Variants in WDR41 observed in about 807,000 individuals in gnomAD.
The protein encoded by WDR41 is WD repeat domain 41.
A neutral mutation model predicts 69.3 loss-of-function variants in WDR41; 63 were observed. That is an observed-to-expected ratio of 0.91 (90% CI 0.74 to 1.12). The LOEUF (loss-of-function observed/expected upper bound fraction) is 1.12, where lower values mean the gene tolerates loss of function less well. Among genes scored for constraint, WDR41 ranks in the 50% most tolerant of loss-of-function variants. The pLI is 0.00. For synonymous variants in WDR41, 185 were observed against 192.1 expected (o/e 0.96, Z 0.31); for missense variants, 543 against 534.5 (o/e 1.02, Z -0.16).
intron 2 of WDR41, among the ~76,000 whole-genome samples, chr5:77,470,793 C>G (rs1346691853): frequency 6.6e-6 from 1 of 152,058 alleles, no homozygotes; most frequent in Non-Finnish European, 1.5e-5. Context: ...CCTTAGAGAC[C>G]TAGAAAGAGA....
At chr5:77,513,873 A>G (rs1802247601) in intron 1 of WDR41, among the ~76,000 whole-genome samples, 1 of 152,148 alleles carries the variant, frequency 6.6e-6, no homozygotes, top group Admixed American at 6.5e-5. Context: ...AACTTGGAGT[A>G]GACAAATTCT....
chr5:77,544,004 G>C (rs577697861), intron 1 of WDR41, among the ~76,000 whole-genome samples: 5 of 152,238 alleles, frequency 3.3e-5, no homozygotes, highest in Non-Finnish European at 5.9e-5. Context: ...CCTATCTTCA[G>C]CCTCCTCAAA....
chr5:77,486,716 C>G (rs1019162675), intron 2 of WDR41, among the ~76,000 whole-genome samples: 1 of 152,162 alleles, frequency 6.6e-6, no homozygotes, highest in Admixed American at 6.5e-5. Flanking sequence ...AACCAGCCAG[C>G]CCCCGCCAAT....
Position 77,431,752 on chromosome 5 carries a change from A to C in WDR41, c.*1383T>G, listed in dbSNP as rs2151276638. On this transcript the variant is annotated 3_prime_UTR_variant, in exon 13 of 13. Coordinates refer to ENST00000296679, the MANE Select transcript of WDR41 (RefSeq NM_018268.4). ...TTACAAATGTATGGGCCAATGCAGA[A>C]TTTCTAAAGGAAAAAGCACGTGAAT... 1 of 152,368 alleles carries C rather than the reference A, an allele frequency of 6.6e-6. No homozygotes were observed. The highest frequency in any genetic ancestry group is 1.9e-4 in the East Asian group (1 of 5,192). 9.4% of individuals were successfully genotyped at this position (152,368 alleles called of 1,614,324 possible). A position where few individuals can be genotyped will look rare whatever the true frequency, so the allele number is the denominator to read the frequency against.
At chr5:77,520,228 A>C (rs956094324) in intron 1 of WDR41, among the ~76,000 whole-genome samples, 1 of 152,162 alleles carries the variant, frequency 6.6e-6, no homozygotes, top group African/African-American at 2.4e-5. Flanking sequence ...AAAAGGGTCT[A>C]CGCTAATAAA....
chr5:77,442,501 G>A (rs1799204155), intron 8 of WDR41, among the ~76,000 whole-genome samples: 1 of 152,114 alleles, frequency 6.6e-6, no homozygotes, highest in African/African-American at 2.4e-5. Flanking sequence ...ATACTGGATA[G>A]TGGAAAGATT....
rs768872373 is a variant in WDR41, at chr5:77,436,242, T to C, written c.1227+19A>G. The C allele has an allele frequency of 6.2e-7, 1 of 1,602,894 alleles. No individual in the cohort carries two copies. The highest frequency in any genetic ancestry group is 8.5e-7 in the Non-Finnish European group (1 of 1,172,548). On this transcript the variant is annotated intron_variant, in intron 12 of 12. Transcript: ENST00000296679. ...AAAAGCAGGAGTTGCTTGGACATTC[T>C]GTGGCTAAACAGCAATACCTCCACA...
rs747323957 is a variant in WDR41, at chr5:77,433,252, C to A, written c.1263G>T (p.Thr421=). ...FLYFEDHGLV[T]CSADHLIILW... ...AAATAATGAGATGATCAGCGGAGCA[C>A]GTCACTAGTCCATGATCTTCAAAGT... Residue 421 remains threonine, a synonymous_variant, in exon 13 of 13, where the codon ACG becomes ACT. Coordinates refer to ENST00000296679, the MANE Select transcript of WDR41 (RefSeq NM_018268.4). 2 of 1,613,778 alleles carry A rather than the reference C, an allele frequency of 1.2e-6. No individual in the cohort carries two copies.
chr5:77,620,342 CTCTT>C, intron 1 of WDR41: 1 of 366,104 alleles, frequency 2.7e-6, no homozygotes, highest in Non-Finnish European at 5.4e-6. Context: ...TGCTGTAAGT[CTCTT>C]TAGTCAAAAT....
At position 77,585,464 on chromosome 5, in the gene WDR41, C is replaced by T. The variant is rs139949854; in HGVS notation, c.42+35015G>A. ...GAACTACCATTTGATGCAGCAATCCCACTACTGGATATCTACCCAGAGGAA... is the reference window on the plus strand; with the variant it reads ...GAACTACCATTTGATGCAGCAATCCTACTACTGGATATCTACCCAGAGGAA... On this transcript the variant is annotated intron_variant, in intron 1 of 5. Coordinates refer to the WDR41 transcript ENST00000509971. 2.1e-3 allele frequency among the ~76,000 whole-genome samples: 327 copies of T among 152,256 alleles called. 2 individuals carry two copies. The highest frequency in any genetic ancestry group is 7.6e-3 in the African/African-American group (317 of 41,532).
chr5:77,519,393 A>T (rs1452096996), intron 1 of WDR41, among the ~76,000 whole-genome samples: 2 of 151,898 alleles, frequency 1.3e-5, no homozygotes, highest in African/African-American at 2.4e-5. Flanking sequence ...GTATTTACTA[A>T]ATAATCAACA....
chr5:77,512,363 T>A (rs59372520), intron 1 of WDR41, among the ~76,000 whole-genome samples: 55,602 of 118,918 alleles, frequency 0.47, 12,133 homozygotes, highest in African/African-American at 0.56. Context: ...TGAGTGTGTG[T>A]GTGTGTGTGT....
chr5:77,443,101 G>C (rs951434452), intron 8 of WDR41, among the ~76,000 whole-genome samples: 1 of 151,970 alleles, frequency 6.6e-6, no homozygotes, highest in Non-Finnish European at 1.5e-5. Flanking sequence ...CCTGTTGCTA[G>C]ACAGGTGGTC....
Position 77,449,857 on chromosome 5 carries a change from C to T in WDR41, c.600G>A (p.Leu200=). Residue 200 remains leucine (L), a synonymous_variant, in exon 8 of 13, where the codon TTG becomes TTA. Coordinates refer to ENST00000296679, the MANE Select transcript of WDR41 (RefSeq NM_018268.4). ...CTAGTGATCCTTCTGTGGGTGCTAC[C>T]AACCTGAAAATTACTAAATGAAAAA... ...AVGKELIIFR[L]VAPTEGSLEW... 1 of 1,610,982 alleles carries T rather than the reference C, an allele frequency of 6.2e-7. No homozygotes were observed. The highest frequency in any genetic ancestry group is 8.5e-7 in the Non-Finnish European group (1 of 1,177,822).
intron 1 of WDR41, among the ~76,000 whole-genome samples, chr5:77,544,815 A>G (rs1264725588): frequency 6.6e-6 from 1 of 152,100 alleles, no homozygotes; most frequent in African/African-American, 2.4e-5. Context: ...CTTGGAACAA[A>G]TTGACTTAAT....
chr5:77,607,150 C>T (rs114305389), intron 1 of WDR41, among the ~76,000 whole-genome samples: 1 of 152,028 alleles, frequency 6.6e-6, no homozygotes, highest in Non-Finnish European at 1.5e-5. Flanking sequence ...TATTATCAAA[C>T]TATTATTAGA....
intron 1 of WDR41, among the ~76,000 whole-genome samples, chr5:77,512,745 C>CAAAAAA (rs71606301): frequency 0.013 from 956 of 74,022 alleles, 13 homozygotes; most frequent in African/African-American, 0.043. Flanking sequence ...GACTCCATCT[C>CAAAAAA]AAAAAAAAAA....
At chr5:77,612,383 A>C (rs183401778) in intron 1 of WDR41, among the ~76,000 whole-genome samples, 1,685 of 152,358 alleles carry the variant, frequency 0.011, 26 homozygotes, top group Admixed American at 0.036. Flanking sequence ...ACATTGATGC[A>C]AAAATACTCA....
At chr5:77,556,044 G>A (rs1034440322) in intron 1 of WDR41, among the ~76,000 whole-genome samples, 1 of 140,294 alleles carries the variant, frequency 7.1e-6, no homozygotes, top group Non-Finnish European at 1.5e-5. Flanking sequence ...AGAGAACCCA[G>A]AACCCAGAAA....
Sources: gnomAD v4.1 joint callset for allele counts (sites outside exome capture counted in the v4.1 genomes callset) on GRCh38, gnomAD v4.1.1 for gene constraint, MANE v1.5 for transcripts, NCBI Gene and HGNC (gene_info 2026-07-23, HGNC 2026-07-21) for gene names.